EXOC6B: variants seen among roughly 807,000 people sequenced by gnomAD.
EXOC6B encodes exocyst complex component 6B, also known as SEC15 homolog B.
EXOC6B carries 54 observed loss-of-function variants against 113.5 expected under a neutral mutation model. The observed-to-expected ratio is 0.48, with a 90% CI of 0.38 to 0.60. The LOEUF (loss-of-function observed/expected upper bound fraction) is 0.60. Among genes scored for constraint, EXOC6B ranks in the 20% least tolerant of loss-of-function variants. The pLI, the probability that EXOC6B is intolerant of heterozygous loss-of-function variation, is 0.00. For missense variants in EXOC6B, 797 were observed against 977.5 expected (o/e 0.82, Z 2.46); for synonymous variants, 357 against 339.0 (o/e 1.05, Z -0.58).
chr2:72,637,119 T>C (rs1672895250), intron 6 of EXOC6B, among the ~76,000 whole-genome samples: 1 of 152,160 alleles, frequency 6.6e-6, no homozygotes, highest in Non-Finnish European at 1.5e-5. Context: ...ACAAGTTATG[T>C]ACAGAATGGA....
rs976106581 is a variant in EXOC6B at position 72,500,603 on chromosome 2, ATG to A, written c.1168-633_1168-632del. On this transcript the variant is annotated intron_variant, in intron 11 of 21. Transcript: ENST00000272427. ...AAACAATAAAGAGAAAATAAAAAAC[ATG>A]AGAAATACAAAAGAGAAAATAAGTA... Among the ~76,000 whole-genome samples, 35 of 33,264 alleles carry A rather than the reference ATG, an allele frequency of 1.1e-3. 1 individual carries two copies. The highest frequency in any genetic ancestry group is 0.014 in the South Asian group (1 of 72). The allele number at this position is 33,264 out of a possible 152,430, so 21.8% of individuals were successfully genotyped here.
Position 72,741,443 on chromosome 2 carries a change from C to A in EXOC6B, c.140G>T (p.Gly47Val), listed in dbSNP as rs1169934936. Residue 47 changes from glycine to valine, a missense_variant, in exon 2 of 22, where the codon GGA becomes GTA. Gly to Val is a moderately radical substitution (Grantham distance 109). Transcript: ENST00000272427. ...LRSVYDGEEH[G>V]RFMEKLETRI... is the part of the protein sequence containing the mutation. Reference sequence around the variant, plus strand: ...AGTTTCAAGCTTCTCCATGAAACGTCCATGTTCTTCACCATCATAAACAGA... The same window carrying A: ...AGTTTCAAGCTTCTCCATGAAACGTACATGTTCTTCACCATCATAAACAGA... 2 of 1,613,410 alleles carry A rather than the reference C, an allele frequency of 1.2e-6. No homozygotes were observed. Among genetic ancestry groups the A allele is most frequent in the South Asian group, 2.2e-5 (2 of 91,010 alleles).
intron 18 of EXOC6B, among the ~76,000 whole-genome samples, chr2:72,429,440 A>G (rs1695392671): frequency 6.6e-6 from 1 of 152,226 alleles, no homozygotes; most frequent in Non-Finnish European, 1.5e-5. Flanking sequence ...TCGATTTGAT[A>G]TATACATACA....
At chr2:72,751,331 A>G (rs2104855337) in intron 1 of EXOC6B, among the ~76,000 whole-genome samples, 1 of 152,268 alleles carries the variant, frequency 6.6e-6, no homozygotes, top group East Asian at 1.9e-4. Context: ...GGTCATACGT[A>G]GATTTAAAAT....
At chr2:72,636,477 T>G (rs1672841087) in intron 6 of EXOC6B, among the ~76,000 whole-genome samples, 3 of 133,330 alleles carry the variant, frequency 2.3e-5, no homozygotes, top group African/African-American at 5.8e-5. Context: ...AAGAAAAAGA[T>G]GAAGGAGGAG....
intron 18 of EXOC6B, among the ~76,000 whole-genome samples, chr2:72,408,892 T>C (rs1693976624): frequency 6.6e-6 from 1 of 152,146 alleles, no homozygotes; most frequent in Admixed American, 6.5e-5. Context: ...AAAGAGCTTC[T>C]GCACAGCAAA....
chr2:72,715,877 G>T (rs1679580654), intron 6 of EXOC6B, among the ~76,000 whole-genome samples: 1 of 152,108 alleles, frequency 6.6e-6, no homozygotes, highest in South Asian at 2.1e-4. Flanking sequence ...ATTTTGAAAT[G>T]GATGTAGTGA....
At chr2:72,216,156 G>A (rs1275560835) in intron 20 of EXOC6B, among the ~76,000 whole-genome samples, 1 of 151,666 alleles carries the variant, frequency 6.6e-6, no homozygotes, top group African/African-American at 2.4e-5. Context: ...AATAATCAAT[G>A]CCAACACTAA....
intron 18 of EXOC6B, among the ~76,000 whole-genome samples, chr2:72,420,922 C>A (rs992276242): frequency 1.3e-5 from 2 of 152,118 alleles, no homozygotes; most frequent in African/African-American, 4.8e-5. Flanking sequence ...TTTTAATGAC[C>A]ACCATTCTAA....
intron 20 of EXOC6B, among the ~76,000 whole-genome samples, chr2:72,316,102 G>C (rs1308165028): frequency 6.6e-6 from 1 of 152,118 alleles, no homozygotes; most frequent in Non-Finnish European, 1.5e-5. Context: ...ATGTCTTATA[G>C]AGACATAACA....
chr2:72,696,993 T>C (rs1204837005), intron 6 of EXOC6B, among the ~76,000 whole-genome samples: 3 of 152,138 alleles, frequency 2.0e-5, no homozygotes, highest in East Asian at 3.8e-4. Context: ...AAGAAGGCTA[T>C]CTGTACAAGG....
intron 18 of EXOC6B, among the ~76,000 whole-genome samples, chr2:72,383,604 A>G (rs1408882858): frequency 6.6e-6 from 1 of 152,110 alleles, no homozygotes; most frequent in Admixed American, 6.6e-5. Flanking sequence ...TCCTCAAAGA[A>G]CTAAAAACAG....
intron 1 of EXOC6B, among the ~76,000 whole-genome samples, chr2:72,744,539 A>T (rs1002593759): frequency 6.6e-6 from 1 of 152,230 alleles, no homozygotes; most frequent in Middle Eastern, 3.2e-3. Flanking sequence ...AAAGGTTTCC[A>T]TGTAAAGATA....
intron 20 of EXOC6B, among the ~76,000 whole-genome samples, chr2:72,227,733 C>A (rs1239566420): frequency 6.6e-6 from 1 of 152,142 alleles, no homozygotes; most frequent in Non-Finnish European, 1.5e-5. Flanking sequence ...ATACCACATT[C>A]TTTTAATCAC....
chr2:72,753,129 G>A (rs1682167947), intron 1 of EXOC6B, among the ~76,000 whole-genome samples: 1 of 151,908 alleles, frequency 6.6e-6, no homozygotes, highest in South Asian at 2.1e-4. Context: ...TACTCGGCTG[G>A]GCATGGTGGC....
At chr2:72,732,699 T>C (rs1680715764) in intron 3 of EXOC6B, among the ~76,000 whole-genome samples, 1 of 152,088 alleles carries the variant, frequency 6.6e-6, no homozygotes, top group Non-Finnish European at 1.5e-5. Flanking sequence ...ATCAAAAGAA[T>C]GCACGGGTGA....
chr2:72,321,511 G>A (rs1420782767), intron 20 of EXOC6B, among the ~76,000 whole-genome samples: 1 of 137,798 alleles, frequency 7.3e-6, no homozygotes, highest in Non-Finnish European at 1.5e-5. Context: ...TCCAGCCTGG[G>A]AGACAGAGAG....
intron 1 of EXOC6B, among the ~76,000 whole-genome samples, chr2:72,749,081 T>C (rs1425822003): frequency 6.6e-6 from 1 of 152,098 alleles, no homozygotes; most frequent in Non-Finnish European, 1.5e-5. Context: ...TGCAAAAAGA[T>C]TTTATTTCAT....
chr2:72,691,621 T>C (rs1019457786), intron 6 of EXOC6B, among the ~76,000 whole-genome samples: 7 of 151,562 alleles, frequency 4.6e-5, no homozygotes, highest in Admixed American at 3.9e-4. Context: ...CAGGAACGCT[T>C]ATAAAAAGAA....
Sources: gnomAD v4.1 joint callset for allele counts (sites outside exome capture counted in the v4.1 genomes callset) on GRCh38, gnomAD v4.1.1 for gene constraint, MANE v1.5 for transcripts, NCBI Gene and HGNC (gene_info 2026-07-23, HGNC 2026-07-21) for gene names.